UTRN: variants seen among roughly 807,000 people sequenced by gnomAD.
The protein encoded by UTRN is dystrophin-related protein 1.
Under a neutral mutation model 463.9 loss-of-function variants are expected in UTRN, and 283 were observed. That is an observed-to-expected ratio of 0.61 (90% confidence interval 0.55 to 0.67). The LOEUF (loss-of-function observed/expected upper bound fraction) is 0.67, where lower values mean the gene tolerates loss of function less well. Among genes scored for constraint, UTRN ranks in the 30% least tolerant of loss-of-function variants. The pLI is 0.00. For synonymous variants in UTRN, 1,442 were observed against 1,431.5 expected, an observed-to-expected ratio of 1.01 and a Z score of -0.17; for missense variants, 3,922 against 4,084.3, an observed-to-expected ratio of 0.96 and a Z score of 1.08.
chr6:144,562,331 G>C (rs570541822), intron 50 of UTRN, among the ~76,000 whole-genome samples: 1 of 152,022 alleles, frequency 6.6e-6, no homozygotes, highest in African/African-American at 2.4e-5. Context: ...GCATTCATTA[G>C]CTATATATCC....
At chr6:144,317,455 G>A (rs1775353125) in intron 2 of UTRN, among the ~76,000 whole-genome samples, 1 of 151,988 alleles carries the variant, frequency 6.6e-6, no homozygotes, top group Admixed American at 6.6e-5. Flanking sequence ...GGAGTGCAGT[G>A]GGGCCATCTC....
chr6:144,300,859 G>A (rs191355325), intron 2 of UTRN, among the ~76,000 whole-genome samples: 51 of 152,232 alleles, frequency 3.4e-4, no homozygotes, highest in Admixed American at 1.3e-3. Flanking sequence ...AAAATACCCC[G>A]AAGCAAATAG....
intron 34 of UTRN, among the ~76,000 whole-genome samples, chr6:144,501,687 T>C (rs956671176): frequency 2.0e-5 from 3 of 152,168 alleles, no homozygotes; most frequent in Non-Finnish European, 4.4e-5. Flanking sequence ...TTCATTATTA[T>C]AGATAACGCT....
At chr6:144,445,815 C>T (rs1053473147) in intron 14 of UTRN, among the ~76,000 whole-genome samples, 2 of 151,952 alleles carry the variant, frequency 1.3e-5, no homozygotes, top group African/African-American at 2.4e-5. Flanking sequence ...GAGGCCGAGG[C>T]GGGCAGATCA....
In UTRN at chr6:144,442,195, G is replaced by A. The variant is rs192496613; in HGVS notation, c.1512+1724G>A. Reference sequence around the variant, plus strand: ...ATGAGATTTTCTTTTCTATTGCATTGTCAGGCTGCAAATTTCTCAAACTTT... The same window carrying A: ...ATGAGATTTTCTTTTCTATTGCATTATCAGGCTGCAAATTTCTCAAACTTT... On this transcript the variant is annotated intron_variant, in intron 13 of 74. Coordinates refer to ENST00000367545, the MANE Select transcript of UTRN (RefSeq NM_007124.3). Among the ~76,000 whole-genome samples the A allele has an allele frequency of 7.1e-4, 108 of 152,260 alleles. 1 individual carries two copies. The East Asian group carries it at 0.019, about 27-fold the overall frequency.
chr6:144,743,040 G>A (rs1322925818), intron 54 of UTRN, among the ~76,000 whole-genome samples: 1 of 152,160 alleles, frequency 6.6e-6, no homozygotes, highest in Non-Finnish European at 1.5e-5. Flanking sequence ...GAAGGAGGAA[G>A]AAAAATGAAG....
intron 25 of UTRN, among the ~76,000 whole-genome samples, chr6:144,477,684 T>C (rs911569073): frequency 6.9e-4 from 105 of 152,288 alleles, no homozygotes; most frequent in African/African-American, 2.4e-3. Flanking sequence ...ACCACAATAC[T>C]ATGATCACAC....
chr6:144,686,261 G>T (rs1271761627), intron 52 of UTRN, among the ~76,000 whole-genome samples: 1 of 152,096 alleles, frequency 6.6e-6, no homozygotes, highest in African/African-American at 2.4e-5. Flanking sequence ...CTATGAAGAT[G>T]CTTGATATAA....
chr6:144,830,378 A>C (rs533287135), intron 69 of UTRN, among the ~76,000 whole-genome samples: 1 of 152,328 alleles, frequency 6.6e-6, no homozygotes, highest in Non-Finnish European at 1.5e-5. Context: ...ATGTAATGGT[A>C]TGCTGGAGCC....
At chr6:144,617,324 C>T (rs1806232753) in intron 51 of UTRN, among the ~76,000 whole-genome samples, 1 of 152,156 alleles carries the variant, frequency 6.6e-6, no homozygotes, top group African/African-American at 2.4e-5. Context: ...CACTGGCCTA[C>T]CCATCCAATC....
chr6:144,763,021 A>G (rs574810257), intron 58 of UTRN, among the ~76,000 whole-genome samples: 20 of 152,302 alleles, frequency 1.3e-4, no homozygotes, highest in Non-Finnish European at 2.2e-4. Flanking sequence ...CAATTTAACA[A>G]TTCTATAGCT....
At chr6:144,423,279 A>T (rs1372159158) in intron 4 of UTRN, among the ~76,000 whole-genome samples, 4 of 152,158 alleles carry the variant, frequency 2.6e-5, no homozygotes, top group Non-Finnish European at 4.4e-5. Flanking sequence ...GTGGGGTTGG[A>T]CAGAGGTATT....
intron 51 of UTRN, among the ~76,000 whole-genome samples, chr6:144,592,490 T>G (rs1270066054): frequency 1.3e-5 from 2 of 151,998 alleles, no homozygotes; most frequent in African/African-American, 4.8e-5. Context: ...CCTGCCTCAG[T>G]CTCCCAAGTA....
chr6:144,643,791 T>C (rs1157419239), intron 51 of UTRN, among the ~76,000 whole-genome samples: 1 of 103,216 alleles, frequency 9.7e-6, no homozygotes, highest in Admixed American at 9.8e-5. Context: ...TGAAACACCA[T>C]CTCAAAAAAA....
intron 33 of UTRN, among the ~76,000 whole-genome samples, chr6:144,494,125 G>A (rs865915818): frequency 1.1e-4 from 16 of 152,338 alleles, no homozygotes; most frequent in Middle Eastern, 6.8e-3. Flanking sequence ...TAGACTTAGT[G>A]TGTCTGGAAT....
chr6:144,375,317 T>A (rs1408130536), intron 2 of UTRN, among the ~76,000 whole-genome samples: 1 of 152,210 alleles, frequency 6.6e-6, no homozygotes, highest in African/African-American at 2.4e-5. Context: ...AAGAGCTAAA[T>A]GATATTTATG....
At chr6:144,799,565 G>A (rs73594593) in intron 64 of UTRN, 4,908 of 463,260 alleles carry the variant, frequency 0.011, 196 homozygotes, top group African/African-American at 0.09. Flanking sequence ...GGAATAGCTG[G>A]AATGTGGCAA....
chr6:144,829,544 CT>C (rs948071423), intron 69 of UTRN, among the ~76,000 whole-genome samples: 67 of 151,472 alleles, frequency 4.4e-4, no homozygotes, highest in Non-Finnish European at 7.8e-4. Flanking sequence ...ACTTTTTATT[CT>C]TTTTTTTGTG....
chr6:144,558,794 C>T (rs1194871977), intron 50 of UTRN, among the ~76,000 whole-genome samples: 1 of 152,100 alleles, frequency 6.6e-6, no homozygotes, highest in East Asian at 1.9e-4. Context: ...AGATTGTTTT[C>T]TGAGGCCTGC....
Sources: gnomAD v4.1 joint callset for allele counts (sites outside exome capture counted in the v4.1 genomes callset) on GRCh38, gnomAD v4.1.1 for gene constraint, MANE v1.5 for transcripts, NCBI Gene and HGNC (gene_info 2026-07-23, HGNC 2026-07-21) for gene names.